Variants in HOMER2 observed in about 807,000 individuals in gnomAD.
HOMER2 encodes the protein homer protein homolog 2.
A neutral mutation model predicts 47.0 loss-of-function variants in HOMER2; 27 were observed. That is an observed-to-expected ratio of 0.57 (90% confidence interval 0.42 to 0.79). HOMER2 has a LOEUF of 0.79. HOMER2 is among the 30% of genes least tolerant of loss of function. The pLI, the probability that HOMER2 is intolerant of heterozygous loss-of-function variation, is 0.00. For synonymous variants in HOMER2, 161 were observed against 163.8 expected (o/e 0.98, Z 0.13); for missense variants, 443 against 435.0 (o/e 1.02, Z -0.16).
intron 1 of HOMER2, among the ~76,000 whole-genome samples, chr15:82,907,880 A>AT (rs1321085545): frequency 2.6e-5 from 4 of 152,352 alleles, no homozygotes; most frequent in Non-Finnish European, 5.9e-5. Context: ...GGATAACAAA[A>AT]TGTGGTGTAT....
chr15:82,939,740 G>A (rs1596371849), intron 1 of HOMER2, among the ~76,000 whole-genome samples: 1 of 152,180 alleles, frequency 6.6e-6, no homozygotes, highest in Non-Finnish European at 1.5e-5. Flanking sequence ...ACTCTGCCAT[G>A]TCCTGACTGA....
At chr15:82,972,864 C>A (rs993648406) in intron 1 of HOMER2, among the ~76,000 whole-genome samples, 1 of 152,162 alleles carries the variant, frequency 6.6e-6, no homozygotes, top group Non-Finnish European at 1.5e-5. Flanking sequence ...TATCTGGGTG[C>A]TAAGCAGTGA....
chr15:82,903,124 GGGCTGAA>G (rs2053175996), intron 1 of HOMER2, among the ~76,000 whole-genome samples: 1 of 152,220 alleles, frequency 6.6e-6, no homozygotes, highest in South Asian at 2.1e-4. Context: ...TATTGAAGAT[GGGCTGAA>G]GGGGGAAGAG....
At chr15:82,882,240 A>C (rs913851240) in intron 2 of HOMER2, among the ~76,000 whole-genome samples, 1 of 86,220 alleles carries the variant, frequency 1.2e-5, no homozygotes, top group Non-Finnish European at 2.4e-5. Flanking sequence ...CCCCCTTGGC[A>C]GTGACCCTGC....
chr15:82,853,072 G>A (rs2051450133), intron 6 of HOMER2, among the ~76,000 whole-genome samples: 1 of 152,220 alleles, frequency 6.6e-6, no homozygotes, highest in Non-Finnish European at 1.5e-5. Flanking sequence ...TTGACATGAA[G>A]GGCACCGAGG....
At chr15:82,858,289 T>G (rs2051654995) in intron 5 of HOMER2, among the ~76,000 whole-genome samples, 1 of 151,384 alleles carries the variant, frequency 6.6e-6, no homozygotes, top group African/African-American at 2.4e-5. Context: ...TCAAAATTCT[T>G]TTTTTTTTCT....
At chr15:82,876,943 C>G (rs1385880852) in intron 2 of HOMER2, among the ~76,000 whole-genome samples, 1 of 152,202 alleles carries the variant, frequency 6.6e-6, no homozygotes, top group Non-Finnish European at 1.5e-5. Context: ...CTACATTTAT[C>G]TATCTATCAG....
chr15:82,917,064 T>C (rs964340084), intron 1 of HOMER2, among the ~76,000 whole-genome samples: 2 of 152,190 alleles, frequency 1.3e-5, no homozygotes, highest in African/African-American at 4.8e-5. Flanking sequence ...CCTCTCAAAG[T>C]GCTGGGATTA....
In HOMER2 at chr15:82,985,187, G is replaced by A. The variant is rs2030548795; in HGVS notation, n.82+600C>T. 2.6e-5 allele frequency among the ~76,000 whole-genome samples: 4 copies of A among 152,330 alleles called. No individual in the cohort carries two copies. In the South Asian group the frequency reaches 8.3e-4, roughly 32 times the overall value. ...CACAGGGTCTGGTTTACCACTGACT[G>A]AGGGAGAATGGAAGGGGAACAGCAG... On this transcript the variant is annotated intron_variant and non_coding_transcript_variant, in intron 1 of 1. Transcript: ENST00000500334.
chr15:82,868,547 T>A (rs373718834), intron 3 of HOMER2, among the ~76,000 whole-genome samples: 2,362 of 26,462 alleles, frequency 0.089, 106 homozygotes, highest in African/African-American at 0.25. Context: ...ATATATTTTT[T>A]TTTTTTTTTT....
intron 5 of HOMER2, among the ~76,000 whole-genome samples, chr15:82,855,050 T>C (rs2151610092): frequency 6.6e-6 from 1 of 152,176 alleles, no homozygotes; most frequent in South Asian, 2.1e-4. Flanking sequence ...AGAACACAAT[T>C]CTTGGGCCGG....
At chr15:82,858,921 G>T in intron 5 of HOMER2, 108 bp downstream of exon 5, 1 of 1,308,824 alleles carries the variant, frequency 7.6e-7, no homozygotes, top group Non-Finnish European at 1.0e-6. Flanking sequence ...GCTCTAAGCA[G>T]GTCCCAGTTT....
intron 1 of HOMER2, among the ~76,000 whole-genome samples, chr15:82,930,063 G>A (rs145749323): frequency 1.0e-3 from 152 of 152,198 alleles, no homozygotes; most frequent in African/African-American, 3.0e-3. Context: ...CTCTGCTTTT[G>A]GTTTTAGACT....
chr15:82,875,036 C>G (rs1822967564), intron 3 of HOMER2, among the ~76,000 whole-genome samples: 1 of 152,166 alleles, frequency 6.6e-6, no homozygotes, highest in South Asian at 2.1e-4. Context: ...GGCCACACTG[C>G]AACTTCAGGC....
chr15:82,953,007 A>AG (rs1211982953), upstream of HOMER2, among the ~76,000 whole-genome samples: 3 of 152,140 alleles, frequency 2.0e-5, no homozygotes, highest in Non-Finnish European at 4.4e-5. Context: ...TGATGGACTT[A>AG]AAGTCCCATT....
At chr15:82,939,110 T>A (rs2151213675) in intron 1 of HOMER2, among the ~76,000 whole-genome samples, 1 of 152,344 alleles carries the variant, frequency 6.6e-6, no homozygotes, top group Non-Finnish European at 1.5e-5. Flanking sequence ...AGAGCTGAAT[T>A]TATACTTGCT....
intron 1 of HOMER2, among the ~76,000 whole-genome samples, chr15:82,897,315 C>T (rs771970980): frequency 1.3e-5 from 2 of 152,056 alleles, no homozygotes; most frequent in African/African-American, 2.4e-5. Context: ...CCACATGCCT[C>T]GGCCTCCCAA....
chr15:82,970,986 T>C (rs1233409771), intron 1 of HOMER2, among the ~76,000 whole-genome samples: 1 of 152,214 alleles, frequency 6.6e-6, no homozygotes, highest in Non-Finnish European at 1.5e-5. Context: ...AAAGCCATAG[T>C]CCATGGCCCC....
intron 1 of HOMER2, among the ~76,000 whole-genome samples, chr15:82,964,057 G>A (rs952948738): frequency 2.6e-5 from 4 of 152,240 alleles, no homozygotes; most frequent in African/African-American, 9.7e-5. Flanking sequence ...GAGAGCTGGT[G>A]ACATTAGATT....
Sources: allele counts gnomAD v4.1 joint callset (sites outside exome capture counted in the v4.1 genomes callset), GRCh38; gene constraint gnomAD v4.1.1; transcripts MANE v1.5; gene names NCBI Gene and HGNC (gene_info 2026-07-23, HGNC 2026-07-21).